Variants in SLC47A1 observed in about 807,000 individuals in gnomAD.
SLC47A1 encodes the protein solute carrier family 47 member 1.
A neutral mutation model predicts 65.8 loss-of-function variants in SLC47A1; 58 were observed. The ratio of observed to expected loss-of-function variants is 0.88; its 90% CI spans 0.71 to 1.10. The LOEUF (loss-of-function observed/expected upper bound fraction) is 1.10. Among genes scored for constraint, SLC47A1 ranks in the 50% least tolerant of loss-of-function variants. The pLI, the probability that SLC47A1 is intolerant of heterozygous loss-of-function variation, is 0.00. For missense variants in SLC47A1, 706 were observed against 719.2 expected (o/e 0.98, Z 0.21); for synonymous variants, 285 against 295.0 (o/e 0.97, Z 0.35).
chr17:19,556,197 T>G, intron 10 of SLC47A1, 135 bp downstream of exon 10: 1 of 1,035,626 alleles, frequency 9.7e-7, no homozygotes, highest in Non-Finnish European at 1.4e-6. Context: ...ATCCCATCCT[T>G]GAGCCTGGGA....
In SLC47A1 at chr17:19,548,929, G is replaced by A. The variant is rs115697632; in HGVS notation, c.456-706G>A. 3.1e-3 allele frequency among the ~76,000 whole-genome samples: 471 copies of A among 152,188 alleles called. 4 individuals carry two copies. Among genetic ancestry groups the A allele is most frequent in the African/African-American group, 9.4e-3 (390 of 41,526 alleles). Reference sequence around the variant, plus strand: ...TTTTAAAGCTCTTATCTAGACCAGCGGCTCTGAACCCAGGAGACGTTTGAC... The same window carrying A: ...TTTTAAAGCTCTTATCTAGACCAGCAGCTCTGAACCCAGGAGACGTTTGAC... On this transcript the variant is annotated intron_variant, in intron 4 of 16. Transcript: ENST00000270570.
intron 14 of SLC47A1, chr17:19,570,874 G>A (rs568687244): frequency 1.3e-5 from 2 of 152,388 alleles, no homozygotes; most frequent in African/African-American, 4.8e-5. Context: ...CCTGTGTGGT[G>A]CCTTGAGATT....
chr17:19,542,591 C>A, intron 2 of SLC47A1, 97 bp downstream of exon 2: 1 of 993,038 alleles, frequency 1.0e-6, no homozygotes, highest in Non-Finnish European at 1.5e-6. Flanking sequence ...CTGAAACCTA[C>A]ACAGACTTAT....
chr17:19,576,641 C>T (rs912326526), intron 16 of SLC47A1, among the ~76,000 whole-genome samples: 2 of 152,096 alleles, frequency 1.3e-5, no homozygotes, highest in African/African-American at 4.8e-5. Context: ...GCCATCGCAC[C>T]CAGACTTGAA....
In SLC47A1 at chr17:19,577,930, C is replaced by G. The variant is rs1281043539; in HGVS notation, c.*377C>G. On this transcript the variant is annotated 3_prime_UTR_variant, in exon 17 of 17. Transcript: ENST00000270570. Reference sequence around the variant, plus strand: ...ATGTAAAATATATTTTACAGTATATCTTTCCTTGGGCCTTAGATTACTATT... The same window carrying G: ...ATGTAAAATATATTTTACAGTATATGTTTCCTTGGGCCTTAGATTACTATT... 1.6e-6 allele frequency: 2 copies of G among 1,261,296 alleles called. No individual in the cohort carries two copies. The highest frequency in any genetic ancestry group is 2.0e-6 in the Non-Finnish European group (2 of 981,374). The allele number at this position is 1,261,296 out of a possible 1,614,324, so 78.1% of individuals were successfully genotyped here. A position where few individuals can be genotyped will look rare whatever the true frequency, so the allele number is the denominator to read the frequency against.
intron 16 of SLC47A1, among the ~76,000 whole-genome samples, chr17:19,574,501 C>T (rs1259025903): frequency 6.6e-6 from 1 of 152,192 alleles, no homozygotes; most frequent in African/African-American, 2.4e-5. Flanking sequence ...ACATTGTTTG[C>T]ATTCTGATGC....
chr17:19,560,257 C>T lies in SLC47A1; in HGVS notation c.991C>T (p.Gln331Ter), dbSNP rs146299148. ...GNALGAGDME[Q>*]ARKSSTVSLL... is the part of the protein sequence containing the mutation. ...CGCTCTGGGTGCTGGAGACATGGAGCAGGCACGGAAGTCCTCTACCGTTTC... is the reference window on the plus strand; with the variant it reads ...CGCTCTGGGTGCTGGAGACATGGAGTAGGCACGGAAGTCCTCTACCGTTTC... The change falls in exon 11 of 17, where the codon CAG (glutamine) becomes TAG (stop). Residue 331 changes from glutamine to a stop codon, truncating the protein, a stop_gained. Transcript: ENST00000270570. LOFTEE classifies it high-confidence loss of function. 1.4e-5 allele frequency: 23 copies of T among 1,613,702 alleles called. No homozygotes were observed. The highest frequency in any genetic ancestry group is 3.4e-4 in the Middle Eastern group (2 of 5,964).
chr17:19,567,140 T>C lies in SLC47A1; in HGVS notation c.1221T>C (p.Val407=), dbSNP rs142062698. Residue 407 remains valine (V), a synonymous_variant, in exon 14 of 17, where the codon GTT becomes GTC. Transcript: ENST00000270570. ...GVLRGSGNQK[V]GAIVNTIGYY... ...TGAGGGGGAGTGGAAATCAGAAGGT[T>C]GGAGCCATTGTGAATACCATTGGGT... The C allele has an allele frequency of 6.2e-7, 1 of 1,614,134 alleles. No homozygotes were observed. Among genetic ancestry groups the C allele is most frequent in the Non-Finnish European group, 8.5e-7 (1 of 1,180,020 alleles).
At chr17:19,560,616 G>T (rs1029449992) in intron 12 of SLC47A1, 123 bp downstream of exon 12, 76 of 1,003,080 alleles carry the variant, frequency 7.6e-5, no homozygotes, top group Non-Finnish European at 1.2e-4. Flanking sequence ...TCAGTAAAAA[G>T]AAAACATCTC....
At chr17:19,575,708 T>C (rs1158568384) in intron 16 of SLC47A1, among the ~76,000 whole-genome samples, 15 of 152,168 alleles carry the variant, frequency 9.9e-5, no homozygotes, top group Admixed American at 9.8e-4. Context: ...CCTATTACTC[T>C]TACTGTTCTG....
intron 16 of SLC47A1, 96 bp downstream of exon 16, chr17:19,572,957 T>C: frequency 2.0e-6 from 2 of 989,446 alleles, no homozygotes; most frequent in Non-Finnish European, 3.2e-6. Context: ...CTATGAGCTC[T>C]CATTTAAATA....
At chr17:19,550,980 C>T (rs113984096) in intron 5 of SLC47A1, among the ~76,000 whole-genome samples, 135 of 152,316 alleles carry the variant, frequency 8.9e-4, no homozygotes, top group Non-Finnish European at 1.5e-3. Context: ...CTTCAACATA[C>T]GGATCTAGGG....
intron 11 of SLC47A1, 38 bp from the exon 12 acceptor site, chr17:19,560,380 G>T (rs756901853): frequency 1.2e-6 from 2 of 1,613,098 alleles, no homozygotes; most frequent in Non-Finnish European, 1.7e-6. Flanking sequence ...GGATCTTCTT[G>T]TTCACTGTGT....
At chr17:19,560,056 T>C (rs1351271725) in intron 10 of SLC47A1, 132 bp from the exon 11 acceptor site, 3 of 643,808 alleles carry the variant, frequency 4.7e-6, no homozygotes, top group Non-Finnish European at 8.2e-6. Flanking sequence ...AAAGGGGATG[T>C]TGCAAATCAG....
intron 6 of SLC47A1, among the ~76,000 whole-genome samples, chr17:19,551,989 G>C (rs1013229310): frequency 2.9e-4 from 44 of 152,230 alleles, no homozygotes; most frequent in Admixed American, 3.3e-4. Context: ...CAGGGCCAAA[G>C]GCCATGGCTT....
intron 1 of SLC47A1, among the ~76,000 whole-genome samples, chr17:19,541,831 A>G (rs2152312380): frequency 6.6e-6 from 1 of 152,286 alleles, no homozygotes; most frequent in Non-Finnish European, 1.5e-5. Flanking sequence ...CTGAACTGAA[A>G]AACAGGAAAG....
At chr17:19,563,519 C>T (rs2084331971) in intron 12 of SLC47A1, among the ~76,000 whole-genome samples, 1 of 151,882 alleles carries the variant, frequency 6.6e-6, no homozygotes, top group African/African-American at 2.4e-5. Flanking sequence ...TGGGGAATTG[C>T]AAACATAGAT....
At chr17:19,557,527 G>C (rs1363580080) in intron 10 of SLC47A1, 1 of 509,354 alleles carries the variant, frequency 2.0e-6, no homozygotes, top group African/African-American at 1.9e-5. Context: ...TCATATACTT[G>C]TCTGATTATT....
intron 4 of SLC47A1, among the ~76,000 whole-genome samples, chr17:19,549,286 C>T (rs564561974): frequency 7.2e-5 from 11 of 151,948 alleles, no homozygotes; most frequent in Non-Finnish European, 1.2e-4. Context: ...GTAACCTCCG[C>T]CTCCTGGGTT....
Sources: allele counts gnomAD v4.1 joint callset (sites outside exome capture counted in the v4.1 genomes callset), GRCh38; gene constraint gnomAD v4.1.1; transcripts MANE v1.5; gene names NCBI Gene and HGNC (gene_info 2026-07-23, HGNC 2026-07-21).